Variants in LOC102723971 observed in about 807,000 individuals in gnomAD.
chr9:135,615,081 G>A, the LOC102723971 span, among the ~76,000 whole-genome samples: 1 of 152,210 alleles, frequency 6.6e-6, no homozygotes, highest in Admixed American at 6.5e-5. Flanking sequence ...AAGGGGGAAC[G>A]TTTGCCAGTG....
the LOC102723971 span, among the ~76,000 whole-genome samples, chr9:135,619,161 G>T: frequency 2.0e-5 from 3 of 152,080 alleles, no homozygotes; most frequent in South Asian, 2.1e-4. Flanking sequence ...TGCTGGGAAG[G>T]CCTCTTCCCT....
chr9:135,615,629 G>A, the LOC102723971 span: 1 of 397,434 alleles, frequency 2.5e-6, no homozygotes, highest in Admixed American at 4.4e-5. Context: ...CGCTCCAAGA[G>A]GGGTAAGCTC....
the LOC102723971 span, among the ~76,000 whole-genome samples, chr9:135,619,730 G>A: frequency 6.6e-6 from 1 of 152,070 alleles, no homozygotes; most frequent in Non-Finnish European, 1.5e-5. Context: ...GGTGAGCCAG[G>A]GCTGCCCATC....
chr9:135,615,391 G>T, the LOC102723971 span: 1 of 398,778 alleles, frequency 2.5e-6, no homozygotes, highest in Non-Finnish European at 4.4e-6. Flanking sequence ...CCCTGCAGCT[G>T]GCAGCCAACC....
At chr9:135,619,584 A>G in the LOC102723971 span, among the ~76,000 whole-genome samples, 1 of 152,130 alleles carries the variant, frequency 6.6e-6, no homozygotes, top group African/African-American at 2.4e-5. Flanking sequence ...GCCCAGCTCC[A>G]GACCCTGCTC....
chr9:135,616,938 G>C, the LOC102723971 span: 6 of 398,606 alleles, frequency 1.5e-5, no homozygotes, highest in African/African-American at 1.0e-4. Flanking sequence ...CGTATGCTTC[G>C]TCAGCACCGA....
chr9:135,616,338 T>A, the LOC102723971 span, among the ~76,000 whole-genome samples: 1 of 152,094 alleles, frequency 6.6e-6, no homozygotes, highest in Admixed American at 6.5e-5. Context: ...ACTTCGTCAC[T>A]CCAGTCCCAT....
At chr9:135,615,253 C>G in the LOC102723971 span, 1 of 394,716 alleles carries the variant, frequency 2.5e-6, no homozygotes, top group Non-Finnish European at 4.4e-6. Flanking sequence ...GCCACACAGC[C>G]GGGCACTAGC....
At chr9:135,619,039 G>A in the LOC102723971 span, 1 of 401,632 alleles carries the variant, frequency 2.5e-6, no homozygotes, top group Non-Finnish European at 4.4e-6. Context: ...CCTTCACCTT[G>A]GCTTGTGGCC....
At chr9:135,619,673 C>G in the LOC102723971 span, among the ~76,000 whole-genome samples, 1 of 152,126 alleles carries the variant, frequency 6.6e-6, no homozygotes, top group Non-Finnish European at 1.5e-5. Flanking sequence ...CCAACGCCCA[C>G]TCCTCGGAGC....
chr9:135,617,863 C>T, the LOC102723971 span: 2 of 397,666 alleles, frequency 5.0e-6, no homozygotes, highest in Non-Finnish European at 8.9e-6. Context: ...CTCTGCCTCC[C>T]CGTTGTTCTC....
At chr9:135,616,675 C>G in the LOC102723971 span, 2 of 398,748 alleles carry the variant, frequency 5.0e-6, no homozygotes, top group Non-Finnish European at 8.8e-6. Flanking sequence ...GTGCCCCTGT[C>G]CGGGATCTGG....
the LOC102723971 span, among the ~76,000 whole-genome samples, chr9:135,617,468 G>A: frequency 1.3e-5 from 2 of 152,142 alleles, no homozygotes; most frequent in African/African-American, 2.4e-5. Context: ...TCCTGAAGAC[G>A]AGGTGGAGAT....
chr9:135,615,283 C>T, the LOC102723971 span: 1 of 396,962 alleles, frequency 2.5e-6, no homozygotes, highest in Admixed American at 4.4e-5. Flanking sequence ...CCGACCCGGC[C>T]CACACCCCTG....
the LOC102723971 span, chr9:135,614,369 G>A: frequency 2.5e-6 from 1 of 398,408 alleles, no homozygotes; most frequent in Non-Finnish European, 4.4e-6. Context: ...CATGGGTCCA[G>A]TCCCCAGACT....
chr9:135,616,209 G>A, the LOC102723971 span, among the ~76,000 whole-genome samples: 2 of 152,176 alleles, frequency 1.3e-5, no homozygotes, highest in Non-Finnish European at 1.5e-5. Flanking sequence ...CAGAGCAAGT[G>A]GGGACAGGCA....
the LOC102723971 span, among the ~76,000 whole-genome samples, chr9:135,617,382 T>C: frequency 6.6e-6 from 1 of 152,014 alleles, no homozygotes; most frequent in Non-Finnish European, 1.5e-5. Context: ...GGGGGGCTCC[T>C]GAAAGTAAAA....
the LOC102723971 span, chr9:135,617,999 G>A: frequency 2.5e-5 from 10 of 398,634 alleles, no homozygotes; most frequent in African/African-American, 6.2e-5. Context: ...CTTGGAGTAC[G>A]TGGAGAAATT....
chr9:135,616,844 G>T, the LOC102723971 span: 23 of 398,470 alleles, frequency 5.8e-5, no homozygotes, highest in Admixed American at 4.4e-5. Context: ...GGCATGGGGG[G>T]GTCCAGGGCC....
Sources: gnomAD v4.1 joint callset for allele counts (sites outside exome capture counted in the v4.1 genomes callset) on GRCh38, gnomAD v4.1.1 for gene constraint, MANE v1.5 for transcripts.